Variants in TBCK observed in about 807,000 individuals in gnomAD.
TBCK encodes TBC1 domain containing kinase.
A neutral mutation model predicts 113.4 loss-of-function variants in TBCK; 99 were observed. The observed-to-expected ratio is 0.87, with a 90% CI of 0.74 to 1.03. The LOEUF is 1.03. TBCK is among the 50% of genes least tolerant of loss of function. The pLI, the probability that TBCK is intolerant of heterozygous loss-of-function variation, is 0.00. For synonymous variants in TBCK, 369 were observed against 370.8 expected, an observed-to-expected ratio of 1.00 and a Z score of 0.05; for missense variants, 1,045 against 1,061.3, an observed-to-expected ratio of 0.98 and a Z score of 0.21.
intron 25 of TBCK, among the ~76,000 whole-genome samples, chr4:106,081,862 T>C (rs897134096): frequency 1.3e-5 from 2 of 152,192 alleles, no homozygotes; most frequent in African/African-American, 4.8e-5. Flanking sequence ...ATGCTCATCA[T>C]CACTAATCGT....
At chr4:106,170,518 A>ATC (rs1750862607) in intron 23 of TBCK, among the ~76,000 whole-genome samples, 1 of 152,152 alleles carries the variant, frequency 6.6e-6, no homozygotes, top group South Asian at 2.1e-4. Flanking sequence ...CATAAATAAA[A>ATC]TCATAGAAAG....
intron 3 of TBCK, among the ~76,000 whole-genome samples, chr4:106,288,243 A>C (rs573609103): frequency 1.3e-5 from 2 of 152,192 alleles, no homozygotes; most frequent in African/African-American, 4.8e-5. Flanking sequence ...AAATACAAAA[A>C]ATTAGCCAGG....
intron 23 of TBCK, among the ~76,000 whole-genome samples, chr4:106,132,828 C>T (rs550649347): frequency 6.6e-6 from 1 of 152,122 alleles, no homozygotes; most frequent in Non-Finnish European, 1.5e-5. Context: ...TTAATGACTG[C>T]CTTATTGGAG....
chr4:106,178,065 A>T (rs1296542870), intron 22 of TBCK, among the ~76,000 whole-genome samples: 2 of 151,528 alleles, frequency 1.3e-5, no homozygotes, highest in African/African-American at 4.8e-5. Flanking sequence ...GTTCCTACAT[A>T]TTTTATTTTA....
intron 5 of TBCK, among the ~76,000 whole-genome samples, 157 bp downstream of exon 5, chr4:106,260,280 C>T (rs1298636401): frequency 6.6e-6 from 1 of 151,748 alleles, no homozygotes; most frequent in Non-Finnish European, 1.5e-5. Context: ...TCATTGTCTA[C>T]TCATTTTAAA....
intron 23 of TBCK, among the ~76,000 whole-genome samples, chr4:106,159,459 CA>C: frequency 1.3e-5 from 2 of 151,852 alleles, no homozygotes; most frequent in South Asian, 4.2e-4. Flanking sequence ...AAAAAATAGA[CA>C]AAAATCAGTT....
chr4:106,316,544 C>A (rs1165779559), upstream of TBCK: 1 of 1,551,612 alleles, frequency 6.4e-7, no homozygotes. Context: ...GTGGCTGGAC[C>A]TACATGCTTC....
chr4:106,284,042 G>A (rs777953830), intron 3 of TBCK, among the ~76,000 whole-genome samples: 2 of 152,120 alleles, frequency 1.3e-5, no homozygotes, highest in Non-Finnish European at 2.9e-5. Context: ...GCAAAAGTTT[G>A]TTGCAAGATA....
At chr4:106,176,484 C>T (rs1751682003) in intron 22 of TBCK, among the ~76,000 whole-genome samples, 1 of 152,122 alleles carries the variant, frequency 6.6e-6, no homozygotes, top group South Asian at 2.1e-4. Flanking sequence ...CCTCCAATTA[C>T]ATCCATGTTG....
At chr4:106,311,905 A>T (rs1452527312) in intron 1 of TBCK, among the ~76,000 whole-genome samples, 1 of 152,184 alleles carries the variant, frequency 6.6e-6, no homozygotes, top group African/African-American at 2.4e-5. Flanking sequence ...ACTTCTACTG[A>T]TACATCCACA....
intron 20 of TBCK, among the ~76,000 whole-genome samples, chr4:106,210,306 C>G (rs1425555160): frequency 2.6e-5 from 4 of 152,114 alleles, no homozygotes; most frequent in Non-Finnish European, 5.9e-5. Context: ...CAGGTATCAT[C>G]TGGGTCCTTG....
At chr4:106,098,226 A>G (rs913020419) in intron 24 of TBCK, among the ~76,000 whole-genome samples, 5 of 152,048 alleles carry the variant, frequency 3.3e-5, no homozygotes, top group Admixed American at 2.0e-4. Flanking sequence ...CATTACATAA[A>G]CACAGATATG....
chr4:106,136,909 A>G lies in TBCK; in HGVS notation c.2236-20531T>C, dbSNP rs1202091903. 4.9e-5 allele frequency among the ~76,000 whole-genome samples: 7 copies of G among 141,500 alleles called. 1 individual carries two copies. The highest frequency in any genetic ancestry group is 1.1e-4 in the Non-Finnish European group (7 of 62,300). 92.8% of individuals were successfully genotyped at this position (141,500 alleles called of 152,430 possible). A position where few individuals can be genotyped will look rare whatever the true frequency, so the allele number is the denominator to read the frequency against. ...AAAGAAAGAAAGATAGATGTATGAG[A>G]GCCTGTATAGGAAAATACAGAAAGA... On this transcript the variant is annotated intron_variant, in intron 23 of 25. Coordinates refer to ENST00000394708, the MANE Select transcript of TBCK (RefSeq NM_001163435.3).
chr4:106,305,011 G>C (rs1034586043), intron 2 of TBCK, among the ~76,000 whole-genome samples: 7 of 152,060 alleles, frequency 4.6e-5, no homozygotes. Flanking sequence ...CTACCTCCAT[G>C]AGTTGCATTT....
chr4:106,150,957 C>T (rs1748410475), intron 23 of TBCK, among the ~76,000 whole-genome samples: 2 of 151,936 alleles, frequency 1.3e-5, no homozygotes, highest in Admixed American at 6.6e-5. Flanking sequence ...AAGAACAGTC[C>T]TTTCCTTAAT....
chr4:106,229,769 C>A (rs776923101), intron 19 of TBCK, among the ~76,000 whole-genome samples: 6 of 151,206 alleles, frequency 4.0e-5, no homozygotes, highest in African/African-American at 1.5e-4. Context: ...TTTTTTCTAT[C>A]TAAATCTGCG....
intron 23 of TBCK, among the ~76,000 whole-genome samples, chr4:106,139,850 T>A (rs1746985483): frequency 7.1e-6 from 1 of 141,182 alleles, no homozygotes; most frequent in African/African-American, 2.5e-5. Flanking sequence ...AGCTAATTAT[T>A]CATTTAAGCT....
At chr4:106,065,927 A>G (rs891537724) in intron 25 of TBCK, among the ~76,000 whole-genome samples, 1 of 152,048 alleles carries the variant, frequency 6.6e-6, no homozygotes, top group African/African-American at 2.4e-5. Context: ...TAGATAAAAA[A>G]TGGCAGATTC....
intron 25 of TBCK, among the ~76,000 whole-genome samples, chr4:106,055,957 T>C (rs553649363): frequency 6.6e-6 from 1 of 151,422 alleles, no homozygotes; most frequent in East Asian, 1.9e-4. Context: ...AATTATACCA[T>C]AATTATGATA....
Sources: gnomAD v4.1 joint callset for allele counts (sites outside exome capture counted in the v4.1 genomes callset) on GRCh38, gnomAD v4.1.1 for gene constraint, MANE v1.5 for transcripts, NCBI Gene and HGNC (gene_info 2026-07-23, HGNC 2026-07-21) for gene names.